The following HS6ST2 variants were observed in gnomAD, a reference collection of about 807,000 sequenced individuals.
HS6ST2 encodes heparan sulfate 6-O-sulfotransferase 2.
A neutral mutation model predicts 33.0 loss-of-function variants in HS6ST2; 17 were observed. That is an observed-to-expected ratio of 0.52 (90% CI 0.35 to 0.77). The LOEUF (loss-of-function observed/expected upper bound fraction) is 0.77, where lower values mean the gene tolerates loss of function less well. HS6ST2 is among the 30% of genes least tolerant of loss of function. The probability of loss-of-function intolerance (pLI) is 0.01; values close to 1 mark genes in which losing one functional copy is unlikely to be tolerated. For synonymous variants in HS6ST2, 248 were observed against 237.1 expected (o/e 1.05, Z -0.42); for missense variants, 519 against 551.7 (o/e 0.94, Z 0.59).
intron 2 of HS6ST2, among the ~76,000 whole-genome samples, chrX:132,922,139 A>G (rs1044015800): frequency 9.8e-5 from 11 of 111,833 alleles, no homozygotes; most frequent in Non-Finnish European, 1.7e-4. Flanking sequence ...ATGGTGGCTC[A>G]CGCCTGTAAT....
At chrX:132,872,771 T>G (rs1260104925) in intron 2 of HS6ST2, among the ~76,000 whole-genome samples, 2 of 111,727 alleles carry the variant, frequency 1.8e-5, no homozygotes, top group Non-Finnish European at 3.8e-5. Flanking sequence ...AATAAATCAA[T>G]GTGAGATCAT....
chrX:132,760,738 G>A (rs949121755), intron 2 of HS6ST2, among the ~76,000 whole-genome samples: 3 of 111,068 alleles, frequency 2.7e-5, no homozygotes, highest in African/African-American at 6.6e-5. Context: ...GGGGCAGGGC[G>A]AGTAAATGCC....
intron 4 of HS6ST2, among the ~76,000 whole-genome samples, chrX:132,642,142 C>T (rs949069190): frequency 1.1e-4 from 12 of 110,470 alleles, no homozygotes; most frequent in African/African-American, 4.0e-4. Flanking sequence ...CATGGTAGGC[C>T]GTCAATAAAT....
At chrX:132,675,218 G>C (rs1397049150) in intron 3 of HS6ST2, among the ~76,000 whole-genome samples, 1 of 110,647 alleles carries the variant, frequency 9.0e-6, no homozygotes, top group Non-Finnish European at 1.9e-5. Context: ...TGGAGCTCAA[G>C]AAGAAAGACA....
Position 132,628,747 on chromosome X carries a change from C to T in HS6ST2, c.1414G>A (p.Gly472Ser). The T allele has an allele frequency of 2.5e-6, 3 of 1,211,421 alleles. No homozygotes were observed. Among genetic ancestry groups the T allele is most frequent in the Non-Finnish European group, 3.4e-6 (3 of 895,356 alleles). Residue 472 changes from glycine to serine, a missense_variant, in exon 5 of 5, where the codon GGC (glycine) becomes AGC (serine). By Grantham distance (56) the Gly-to-Ser change is moderately conservative. Coordinates refer to ENST00000370833, the MANE Select transcript of HS6ST2 (RefSeq NM_001394073.1). ...GTCTTCCGCTGAAACTCAGTGAGGC[C>T]GAAGAACGCCATGTGCTTCAGATTT... ...KSNLKHMAFF[G>S]LTEFQRKTQY...
chrX:132,664,975 G>A (rs2063799004), intron 4 of HS6ST2, among the ~76,000 whole-genome samples: 1 of 111,832 alleles, frequency 8.9e-6, no homozygotes, highest in South Asian at 3.8e-4. Context: ...TGATATATGA[G>A]TTCTCTATTG....
chrX:132,708,299 TAAAAAAAA>T (rs36028236), intron 3 of HS6ST2, among the ~76,000 whole-genome samples, 155 bp downstream of exon 3: 3 of 21,210 alleles, frequency 1.4e-4, no homozygotes, highest in Non-Finnish European at 2.4e-4. Context: ...TGTTTTAAAC[TAAAAAAAA>T]AAAAAAAAAA....
chrX:132,798,162 T>G (rs942674361), intron 2 of HS6ST2, among the ~76,000 whole-genome samples: 1 of 110,031 alleles, frequency 9.1e-6, no homozygotes, highest in African/African-American at 3.3e-5. Flanking sequence ...CCTGGATACA[T>G]GCAAGGAAGG....
Position 132,919,296 on chromosome X carries a change from G to A in HS6ST2, c.947+37512C>T, listed in dbSNP as rs968120430. ...CAATAGAAAATAAAAGATGAGATGC[G>A]ATTTTCAAATTTCCTGTACCATAAA... On this transcript the variant is annotated intron_variant, in intron 2 of 4. Coordinates refer to ENST00000370833, the MANE Select transcript of HS6ST2 (RefSeq NM_001394073.1). Among the ~76,000 whole-genome samples, 7 of 112,042 alleles carry A rather than the reference G, an allele frequency of 6.2e-5. No homozygotes were observed. The Admixed American group carries it at 6.6e-4, about 11-fold the overall frequency.
intron 2 of HS6ST2, among the ~76,000 whole-genome samples, chrX:132,747,939 G>A (rs1341767395): frequency 9.0e-6 from 1 of 111,607 alleles, no homozygotes; most frequent in Non-Finnish European, 1.9e-5. Context: ...GGCATGCCAT[G>A]AGTGACAAAA....
intron 2 of HS6ST2, among the ~76,000 whole-genome samples, chrX:132,778,297 A>G (rs1424034898): frequency 8.9e-6 from 1 of 112,871 alleles, no homozygotes; most frequent in Non-Finnish European, 1.9e-5. Flanking sequence ...AACATGCAGA[A>G]TACAACTCTA....
At chrX:132,908,378 G>A (rs1441103158) in intron 2 of HS6ST2, among the ~76,000 whole-genome samples, 2 of 112,250 alleles carry the variant, frequency 1.8e-5, no homozygotes, top group South Asian at 3.7e-4. Context: ...ATTAAACACA[G>A]AGTTATCACA....
At chrX:132,836,296 T>C (rs935572272) in intron 2 of HS6ST2, among the ~76,000 whole-genome samples, 1 of 112,526 alleles carries the variant, frequency 8.9e-6, no homozygotes, top group South Asian at 3.7e-4. Flanking sequence ...GGGCTGCACT[T>C]CTGTGGGGTT....
intron 2 of HS6ST2, among the ~76,000 whole-genome samples, chrX:132,892,858 G>A (rs772880516): frequency 1.8e-5 from 2 of 111,535 alleles, no homozygotes; most frequent in Admixed American, 9.6e-5. Flanking sequence ...AAATGGCAAA[G>A]TATTTGTGTA....
At chrX:132,749,975 G>A (rs921739530) in intron 2 of HS6ST2, among the ~76,000 whole-genome samples, 4 of 111,229 alleles carry the variant, frequency 3.6e-5, no homozygotes, top group Non-Finnish European at 7.5e-5. Flanking sequence ...GTTTCAGCAC[G>A]CAGCCCTGAA....
At chrX:132,692,089 C>T (rs142529574) in intron 3 of HS6ST2, among the ~76,000 whole-genome samples, 1 of 112,065 alleles carries the variant, frequency 8.9e-6, no homozygotes, top group Non-Finnish European at 1.9e-5. Flanking sequence ...ATTTCAATGG[C>T]TGATTACTTG....
intron 2 of HS6ST2, among the ~76,000 whole-genome samples, chrX:132,922,833 C>T (rs2066666523): frequency 9.0e-6 from 1 of 111,284 alleles, no homozygotes; most frequent in Non-Finnish European, 1.9e-5. Context: ...GAGGCCTTGG[C>T]GGGTGGATCA....
intron 4 of HS6ST2, among the ~76,000 whole-genome samples, chrX:132,640,172 C>T (rs1440307808): frequency 9.1e-6 from 1 of 109,975 alleles, no homozygotes; most frequent in African/African-American, 3.3e-5. Flanking sequence ...TATACGGGTG[C>T]CAGCTTTCAA....
chrX:132,956,513 C>T (rs1159762143), intron 2 of HS6ST2, among the ~76,000 whole-genome samples: 2 of 112,150 alleles, frequency 1.8e-5, no homozygotes, highest in East Asian at 5.7e-4. Context: ...TACGATGCCC[C>T]GTCCCAGCGG....
Sources: gnomAD v4.1 joint callset for allele counts (sites outside exome capture counted in the v4.1 genomes callset) on GRCh38, gnomAD v4.1.1 for gene constraint, MANE v1.5 for transcripts, NCBI Gene and HGNC (gene_info 2026-07-23, HGNC 2026-07-21) for gene names.